NUGGC: variants seen among roughly 807,000 people sequenced by gnomAD.
NUGGC encodes nuclear GTPase, germinal center associated, also known as nuclear GTPase SLIP-GC.
Under a neutral mutation model 92.6 loss-of-function variants are expected in NUGGC, and 58 were observed. The observed-to-expected ratio is 0.63, with a 90% CI of 0.51 to 0.78. NUGGC has a LOEUF of 0.78. Among genes scored for constraint, NUGGC ranks in the 30% least tolerant of loss-of-function variants. The pLI is 0.00. For synonymous variants in NUGGC, 376 were observed against 366.4 expected (o/e 1.03, Z -0.30); for missense variants, 925 against 964.6 (o/e 0.96, Z 0.54).
At chr8:28,025,738 T>G (rs1248923337) in intron 18 of NUGGC, among the ~76,000 whole-genome samples, 1 of 152,218 alleles carries the variant, frequency 6.6e-6, no homozygotes, top group African/African-American at 2.4e-5. Flanking sequence ...AAGCAGCCAT[T>G]GTGGCTTTGA....
Position 28,060,599 on chromosome 8 carries a change from G to T in NUGGC, c.924C>A (p.Thr308=). The T allele has an allele frequency of 1.9e-6, 3 of 1,608,892 alleles. No homozygotes were observed. The highest frequency in any genetic ancestry group is 2.5e-6 in the Non-Finnish European group (3 of 1,177,862). Residue 308 remains threonine, a splice_region_variant and synonymous_variant, in exon 8 of 19, where the codon ACC becomes ACA. Coordinates refer to ENST00000413272, the MANE Select transcript of NUGGC (RefSeq NM_001010906.2). The part of the protein sequence containing the change: ...NSKRDEMWKK[T]IDKCSVIWVI... ...CCCAGATCACTGAGCACTTGTCAAT[G>T]GTCTGCAAAACATGACCACGGCATG...
At chr8:28,027,366 C>T (rs923477876) in intron 17 of NUGGC, among the ~76,000 whole-genome samples, 9 of 152,132 alleles carry the variant, frequency 5.9e-5, no homozygotes, top group South Asian at 4.2e-4. Flanking sequence ...GAAGGCATGG[C>T]GGAGAGAATG....
chr8:28,058,082 C>A (rs1448329785), intron 9 of NUGGC, among the ~76,000 whole-genome samples, 176 bp downstream of exon 9: 9 of 152,012 alleles, frequency 5.9e-5, no homozygotes, highest in Non-Finnish European at 1.3e-4. Context: ...ATCCCAGCTA[C>A]TCTGGAGGCT....
At chr8:28,065,805 A>T (rs555167505) in intron 6 of NUGGC, among the ~76,000 whole-genome samples, 10 of 152,378 alleles carry the variant, frequency 6.6e-5, no homozygotes, top group Non-Finnish European at 1.3e-4. Context: ...GGAAGGAGTA[A>T]GAGATTTCAT....
chr8:28,055,765 A>G (rs1215791430), intron 10 of NUGGC, among the ~76,000 whole-genome samples, 200 bp downstream of exon 10: 3 of 152,116 alleles, frequency 2.0e-5, no homozygotes, highest in Admixed American at 1.3e-4. Flanking sequence ...CCTGGGAGGC[A>G]GAGGTTGCAG....
At chr8:28,029,588 A>G (rs1380991290) in intron 16 of NUGGC, among the ~76,000 whole-genome samples, 186 bp from the exon 17 acceptor site, 1 of 151,996 alleles carries the variant, frequency 6.6e-6, no homozygotes, top group East Asian at 1.9e-4. Flanking sequence ...CATCTCTACT[A>G]AAAATACAAA....
chr8:28,033,113 T>C (rs966377688), intron 14 of NUGGC, among the ~76,000 whole-genome samples: 14 of 151,948 alleles, frequency 9.2e-5, no homozygotes, highest in Non-Finnish European at 7.4e-5. Context: ...TGAGCTAGGA[T>C]TGTGCCACTG....
intron 13 of NUGGC, among the ~76,000 whole-genome samples, chr8:28,039,984 G>T (rs1384445792): frequency 6.6e-6 from 1 of 152,164 alleles, no homozygotes; most frequent in Admixed American, 6.5e-5. Flanking sequence ...GAGATCCCAG[G>T]AGTGTGCGTG....
chr8:28,069,909 G>A (rs1810543869), intron 3 of NUGGC, among the ~76,000 whole-genome samples: 1 of 152,140 alleles, frequency 6.6e-6, no homozygotes, highest in South Asian at 2.1e-4. Context: ...CTTGGCCACG[G>A]GCTTCAGCCC....
intron 1 of NUGGC, among the ~76,000 whole-genome samples, chr8:28,075,898 ACAGTTCTC>A (rs1421653888): frequency 6.6e-6 from 1 of 151,906 alleles, no homozygotes; most frequent in Non-Finnish European, 1.5e-5. Context: ...CACACTCCTT[ACAGTTCTC>A]CAAAGCAGGG....
chr8:28,070,505 GC>G, intron 2 of NUGGC, 149 bp from the exon 3 acceptor site: 2 of 557,792 alleles, frequency 3.6e-6, no homozygotes, highest in Non-Finnish European at 6.3e-6. Flanking sequence ...GGGATTACAT[GC>G]CTGGGAGGCC....
At chr8:28,049,001 T>TA (rs201445279) in intron 10 of NUGGC, among the ~76,000 whole-genome samples, 19 of 150,690 alleles carry the variant, frequency 1.3e-4, no homozygotes, top group Non-Finnish European at 2.7e-4. Context: ...TCTTCTTACT[T>TA]AAAAAAAAAG....
intron 6 of NUGGC, among the ~76,000 whole-genome samples, chr8:28,065,031 C>A (rs1810403784): frequency 6.6e-6 from 1 of 151,492 alleles, no homozygotes; most frequent in African/African-American, 2.4e-5. Context: ...GCATTCAGTT[C>A]TAAAATTAAC....
intron 8 of NUGGC, among the ~76,000 whole-genome samples, chr8:28,058,822 C>G (rs1810218188): frequency 6.6e-6 from 1 of 152,114 alleles, no homozygotes; most frequent in Admixed American, 6.5e-5. Flanking sequence ...CCTGCCTCAG[C>G]CTCCTGAGTA....
At position 28,060,483 on chromosome 8, in the gene NUGGC, C is replaced by A. The variant is rs762433839; in HGVS notation, c.1040G>T (p.Arg347Met). Residue 347 changes from arginine to methionine, a missense_variant, in exon 8 of 19, where the codon AGG becomes ATG. Transcript: ENST00000413272. Reference sequence around the variant, plus strand: ...CTTGGTGACCACCAGGGCCACGTCCCTACAGAAGCCCCGCTGGCAGGCTTT... The same window carrying A: ...CTTGGTGACCACCAGGGCCACGTCCATACAGAAGCCCCGCTGGCAGGCTTT... The part of the protein sequence containing the change: ...SIKACQRGFC[R>M]DVALVVTKMD... The A allele has an allele frequency of 6.8e-6, 11 of 1,613,824 alleles. No individual in the cohort carries two copies. In the African/African-American group the frequency reaches 1.3e-4, roughly 20 times the overall value.
intron 13 of NUGGC, among the ~76,000 whole-genome samples, chr8:28,036,421 T>C (rs149486391): frequency 2.1e-3 from 313 of 152,202 alleles, no homozygotes; most frequent in Middle Eastern, 3.4e-3. Flanking sequence ...TTCACTGGTA[T>C]ATGTGCATCA....
At position 28,068,444 on chromosome 8, in the gene NUGGC, T is replaced by A; in HGVS notation, c.258-6A>T. On this transcript the variant is annotated splice_region_variant and splice_polypyrimidine_tract_variant and intron_variant, in intron 4 of 18. Coordinates refer to ENST00000413272, the MANE Select transcript of NUGGC (RefSeq NM_001010906.2). ...TCAAGGCAAGAAGCCTATTTCTGGA[T>A]GAATTTTAAAATGCACATTGCCATG... is the stretch of plus-strand genomic sequence containing the variant. The A allele has an allele frequency of 6.5e-7, 1 of 1,541,104 alleles. No homozygotes were observed. The highest frequency in any genetic ancestry group is 8.8e-7 in the Non-Finnish European group (1 of 1,134,578).
At chr8:28,054,125 A>G (rs940306157) in intron 10 of NUGGC, among the ~76,000 whole-genome samples, 1 of 152,194 alleles carries the variant, frequency 6.6e-6, no homozygotes, top group Middle Eastern at 3.2e-3. Flanking sequence ...TTACTCTGAT[A>G]TATCCCTTAT....
chr8:28,032,808 A>G (rs913571275), intron 14 of NUGGC, among the ~76,000 whole-genome samples: 1 of 151,942 alleles, frequency 6.6e-6, no homozygotes, highest in African/African-American at 2.4e-5. Flanking sequence ...AACCCACATC[A>G]TGTATGTGAG....
Sources: allele counts gnomAD v4.1 joint callset (sites outside exome capture counted in the v4.1 genomes callset), GRCh38; gene constraint gnomAD v4.1.1; transcripts MANE v1.5; gene names NCBI Gene and HGNC (gene_info 2026-07-23, HGNC 2026-07-21).